The following MACROD2 variants were observed in gnomAD, a reference collection of about 807,000 sequenced individuals.
MACROD2 encodes ADP-ribose glycohydrolase MACROD2.
In MACROD2, 36 loss-of-function variants were observed where a neutral mutation model predicts 70.4. The ratio of observed to expected loss-of-function variants is 0.51; its 90% confidence interval spans 0.39 to 0.68. MACROD2 has a LOEUF of 0.68. Among genes scored for constraint, MACROD2 ranks in the 30% least tolerant of loss-of-function variants. MACROD2 has a pLI of 0.00. For synonymous variants in MACROD2, 172 were observed against 178.8 expected, an observed-to-expected ratio of 0.96 and a Z score of 0.30; for missense variants, 496 against 538.4, an observed-to-expected ratio of 0.92 and a Z score of 0.78.
At chr20:14,693,926 G>T (rs1191761456) in intron 5 of MACROD2, among the ~76,000 whole-genome samples, 1 of 152,100 alleles carries the variant, frequency 6.6e-6, no homozygotes, top group African/African-American at 2.4e-5. Context: ...AAAATACATG[G>T]CACACTTGAT....
intron 9 of MACROD2, among the ~76,000 whole-genome samples, chr20:15,869,000 C>T (rs1487330734): frequency 6.6e-6 from 1 of 151,446 alleles, no homozygotes; most frequent in Non-Finnish European, 1.5e-5. Context: ...CCATGTTGCC[C>T]AGGTTTGTCT....
At chr20:15,641,263 A>T (rs1250858655) in intron 8 of MACROD2, among the ~76,000 whole-genome samples, 2 of 152,128 alleles carry the variant, frequency 1.3e-5, no homozygotes, top group Non-Finnish European at 2.9e-5. Flanking sequence ...CTTTCTCCAG[A>T]CTTCAACTCT....
At chr20:15,099,319 A>G (rs389222) in intron 5 of MACROD2, among the ~76,000 whole-genome samples, 50,713 of 151,970 alleles carry the variant, frequency 0.33, 10,468 homozygotes, top group Non-Finnish European at 0.46. Flanking sequence ...GGTTGTGAGG[A>G]TGGGGCCCCA....
intron 3 of MACROD2, among the ~76,000 whole-genome samples, chr20:14,367,084 TG>T (rs1213858374): frequency 6.6e-6 from 1 of 152,180 alleles, no homozygotes; most frequent in Non-Finnish European, 1.5e-5. Flanking sequence ...CTTTGTGGTT[TG>T]TATGGGGATA....
At chr20:15,144,315 A>T (rs1312463094) in intron 5 of MACROD2, among the ~76,000 whole-genome samples, 1 of 152,162 alleles carries the variant, frequency 6.6e-6, no homozygotes, top group Non-Finnish European at 1.5e-5. Context: ...GCACATGTAG[A>T]CTATAATTTG....
intron 9 of MACROD2, among the ~76,000 whole-genome samples, chr20:15,874,753 A>C (rs937987871): frequency 9.2e-5 from 14 of 152,122 alleles, no homozygotes; most frequent in African/African-American, 3.4e-4. Flanking sequence ...AGGCGGAAAA[A>C]TGTCCCCCAC....
intron 8 of MACROD2, among the ~76,000 whole-genome samples, chr20:15,633,568 ATT>A (rs11476372): frequency 5.4e-5 from 8 of 149,324 alleles, no homozygotes; most frequent in East Asian, 2.0e-4. Flanking sequence ...GCATCCGTGA[ATT>A]TTTTTTTTTT....
chr20:14,654,471 G>A (rs1185008691), intron 4 of MACROD2, among the ~76,000 whole-genome samples: 3 of 151,318 alleles, frequency 2.0e-5, no homozygotes, highest in Non-Finnish European at 4.4e-5. Context: ...TCTTGAACCT[G>A]GGAGGTGGAG....
rs554942026 is a variant in MACROD2, at chr20:14,300,888, A to C, written c.272-192591A>C. ...ATTGTCACATTAGACCTTTGTTTAA[A>C]AAATGTATCCATTGTTAATATTTCT... On this transcript the variant is annotated intron_variant, in intron 3 of 17. Coordinates refer to ENST00000684519, the MANE Select transcript of MACROD2 (RefSeq NM_001351661.2). Among the ~76,000 whole-genome samples the C allele has an allele frequency of 5.9e-5, 9 of 152,366 alleles. No homozygotes were observed. In the South Asian group the frequency reaches 1.9e-3, roughly 32 times the overall value.
intron 8 of MACROD2, among the ~76,000 whole-genome samples, chr20:15,814,290 A>G (rs1381782327): frequency 6.6e-6 from 1 of 152,156 alleles, no homozygotes; most frequent in Non-Finnish European, 1.5e-5. Context: ...TCAGCAGAAG[A>G]CTACTCTGCA....
chr20:15,368,595 GGGA>G (rs1427683851), intron 6 of MACROD2, among the ~76,000 whole-genome samples: 7 of 151,674 alleles, frequency 4.6e-5, no homozygotes, highest in Non-Finnish European at 8.8e-5. Context: ...CGGAGTAGCT[GGGA>G]TTACAGGAGC....
chr20:14,861,126 T>C (rs2073311505), intron 5 of MACROD2, among the ~76,000 whole-genome samples: 1 of 152,094 alleles, frequency 6.6e-6, no homozygotes, highest in Non-Finnish European at 1.5e-5. Context: ...ATTAAAGGAA[T>C]TGTTACAAAG....
At chr20:15,873,447 C>A (rs2064615371) in intron 9 of MACROD2, among the ~76,000 whole-genome samples, 1 of 152,114 alleles carries the variant, frequency 6.6e-6, no homozygotes, top group South Asian at 2.1e-4. Context: ...TGTGGTTTAA[C>A]ATTTTTCCAG....
intron 3 of MACROD2, among the ~76,000 whole-genome samples, chr20:14,278,657 A>G (rs2082279121): frequency 6.6e-6 from 1 of 152,200 alleles, no homozygotes; most frequent in Admixed American, 6.5e-5. Context: ...AGAAAATGAA[A>G]TGGAATTTAC....
chr20:15,841,741 GA>G (rs1212644756), intron 8 of MACROD2, among the ~76,000 whole-genome samples: 1 of 152,088 alleles, frequency 6.6e-6, no homozygotes, highest in African/African-American at 2.4e-5. Context: ...GTCAAGGGAG[GA>G]GACTTAGAAT....
At chr20:14,040,199 G>A (rs999175639) in intron 2 of MACROD2, among the ~76,000 whole-genome samples, 2 of 152,136 alleles carry the variant, frequency 1.3e-5, no homozygotes, top group Middle Eastern at 3.4e-3. Context: ...AACTGAGATG[G>A]TATAGCTACC....
At chr20:16,015,098 C>T (rs1192800492) in intron 15 of MACROD2, among the ~76,000 whole-genome samples, 1 of 152,126 alleles carries the variant, frequency 6.6e-6, no homozygotes, top group Admixed American at 6.5e-5. Flanking sequence ...ATTGTTTGCC[C>T]TTAAAGACTA....
intron 5 of MACROD2, among the ~76,000 whole-genome samples, chr20:14,819,249 G>C (rs978505043): frequency 6.6e-6 from 1 of 151,756 alleles, no homozygotes; most frequent in Admixed American, 6.6e-5. Flanking sequence ...CTGGGTGACA[G>C]AGCAAGACTC....
chr20:15,571,052 C>G (rs1035451705), intron 8 of MACROD2, among the ~76,000 whole-genome samples: 2 of 152,276 alleles, frequency 1.3e-5, no homozygotes, highest in African/African-American at 4.8e-5. Flanking sequence ...GCTTGGGATA[C>G]TATCTTCAGA....
Sources: gnomAD v4.1 joint callset for allele counts (sites outside exome capture counted in the v4.1 genomes callset) on GRCh38, gnomAD v4.1.1 for gene constraint, MANE v1.5 for transcripts, NCBI Gene and HGNC (gene_info 2026-07-23, HGNC 2026-07-21) for gene names.